Variants in PABPC4L observed in about 807,000 individuals in gnomAD.
PABPC4L encodes poly(A) binding protein cytoplasmic 4 like, also known as polyadenylate-binding protein 4-like.
For missense variants in PABPC4L, 452 were observed against 451.4 expected (o/e 1.00, Z -0.01); for synonymous variants, 169 against 164.1 (o/e 1.03, Z -0.23).
At chr4:134,019,334 G>T in the PABPC4L span, among the ~76,000 whole-genome samples, 1 of 152,082 alleles carries the variant, frequency 6.6e-6, no homozygotes, top group African/African-American at 2.4e-5. Flanking sequence ...AACTGAAATT[G>T]CTGAATTCCA....
At chr4:134,183,753 C>T in the PABPC4L span, among the ~76,000 whole-genome samples, 1,932 of 151,634 alleles carry the variant, frequency 0.013, 43 homozygotes, top group African/African-American at 0.041. Context: ...TAAAGATATG[C>T]AAGAATTCTA....
chr4:134,134,817 TC>T, the PABPC4L span, among the ~76,000 whole-genome samples: 27 of 151,998 alleles, frequency 1.8e-4, no homozygotes, highest in Admixed American at 4.6e-4. Context: ...AGTGGTTCTT[TC>T]TTGTGTCTTC....
chr4:134,035,468 T>C, the PABPC4L span, among the ~76,000 whole-genome samples: 1 of 152,024 alleles, frequency 6.6e-6, no homozygotes, highest in African/African-American at 2.4e-5. Context: ...TATTAAATTA[T>C]AAAAATTATT....
Position 134,200,936 on chromosome 4 carries a change from C to G in PABPC4L, c.84G>C (p.Arg28Ser). The change falls in exon 2 of 2, where the codon AGG becomes AGC. Residue 28 changes from arginine to serine, a missense_variant. Arg to Ser is a moderately radical substitution (Grantham distance 110). Transcript: ENST00000421491. The part of the protein sequence containing the change: ...HADVTEDLLF[R>S]KFSTVGPVLS... ...GCACAGGCCCCACAGTGCTGAACTT[C>G]CTGAACAGCAGGTCCTCGGTGACAT... The G allele has an allele frequency of 6.4e-7, 1 of 1,559,994 alleles. No homozygotes were observed. Among genetic ancestry groups the G allele is most frequent in the Non-Finnish European group, 8.7e-7 (1 of 1,151,688 alleles).
At chr4:134,098,920 G>A in the PABPC4L span, among the ~76,000 whole-genome samples, 3 of 151,580 alleles carry the variant, frequency 2.0e-5, no homozygotes, top group South Asian at 2.1e-4. Flanking sequence ...ACTGACTGTC[G>A]GAGTTCAGTA....
the PABPC4L span, among the ~76,000 whole-genome samples, chr4:134,002,581 C>G: frequency 6.6e-6 from 1 of 151,744 alleles, no homozygotes; most frequent in Non-Finnish European, 1.5e-5. Flanking sequence ...ATTAATAACT[C>G]AAAAGTTTAT....
chr4:134,007,201 C>T, the PABPC4L span, among the ~76,000 whole-genome samples: 1 of 151,688 alleles, frequency 6.6e-6, no homozygotes, highest in African/African-American at 2.4e-5. Flanking sequence ...CATCTATTCC[C>T]AACTTTACAT....
chr4:133,996,472 A>G, the PABPC4L span, among the ~76,000 whole-genome samples: 1 of 152,048 alleles, frequency 6.6e-6, no homozygotes, highest in East Asian at 1.9e-4. Flanking sequence ...ACTTTTATAT[A>G]CTGTTGCTGT....
chr4:134,164,970 A>G, the PABPC4L span, among the ~76,000 whole-genome samples: 3 of 152,174 alleles, frequency 2.0e-5, no homozygotes, highest in African/African-American at 7.2e-5. Flanking sequence ...ACTCAGAAAT[A>G]AAGCCAAATA....
the PABPC4L span, among the ~76,000 whole-genome samples, chr4:134,090,938 T>A: frequency 1.3e-5 from 2 of 151,700 alleles, no homozygotes; most frequent in East Asian, 1.9e-4. Flanking sequence ...GCTTCTAATA[T>A]CTGGTAAGTC....
At chr4:134,083,284 C>A in the PABPC4L span, among the ~76,000 whole-genome samples, 1 of 152,046 alleles carries the variant, frequency 6.6e-6, no homozygotes, top group East Asian at 1.9e-4. Flanking sequence ...TAAGCTGTAA[C>A]CTATATGTCT....
At chr4:134,072,496 G>A in the PABPC4L span, among the ~76,000 whole-genome samples, 24 of 152,110 alleles carry the variant, frequency 1.6e-4, no homozygotes, top group Non-Finnish European at 2.9e-4. Context: ...TAGAATTGTA[G>A]GTGTGTTTTC....
the PABPC4L span, among the ~76,000 whole-genome samples, chr4:133,964,601 A>T: frequency 2.6e-5 from 4 of 152,162 alleles, no homozygotes; most frequent in African/African-American, 9.6e-5. Context: ...CCAACCACAT[A>T]TCAAAAAGAT....
the PABPC4L span, among the ~76,000 whole-genome samples, chr4:134,096,549 T>C: frequency 2.0e-5 from 3 of 151,960 alleles, no homozygotes; most frequent in Non-Finnish European, 4.4e-5. Context: ...ATTCTGGGTA[T>C]TGCATATTTA....
chr4:134,002,628 C>T, the PABPC4L span, among the ~76,000 whole-genome samples: 8 of 151,764 alleles, frequency 5.3e-5, no homozygotes, highest in East Asian at 1.6e-3. Context: ...TAGTTATGTG[C>T]CCTTAAACTT....
the PABPC4L span, among the ~76,000 whole-genome samples, chr4:134,136,641 A>C: frequency 1.3e-5 from 2 of 151,910 alleles, no homozygotes; most frequent in African/African-American, 4.8e-5. Flanking sequence ...TCTATTGTTC[A>C]CTTTGGACAT....
the PABPC4L span, among the ~76,000 whole-genome samples, chr4:134,046,001 A>G: frequency 6.6e-6 from 1 of 152,018 alleles, no homozygotes; most frequent in Non-Finnish European, 1.5e-5. Flanking sequence ...GGGGGCCAGC[A>G]CCTCCACACC....
the PABPC4L span, among the ~76,000 whole-genome samples, chr4:134,097,195 T>C: frequency 6.6e-6 from 1 of 151,930 alleles, no homozygotes; most frequent in Non-Finnish European, 1.5e-5. Flanking sequence ...ATGTTCAGTT[T>C]GTGTGTGATG....
At chr4:133,960,024 C>T in the PABPC4L span, among the ~76,000 whole-genome samples, 1 of 151,962 alleles carries the variant, frequency 6.6e-6, no homozygotes, top group Non-Finnish European at 1.5e-5. Context: ...CAGATGTCAA[C>T]GATATTCTTT....
Sources: allele counts gnomAD v4.1 joint callset (sites outside exome capture counted in the v4.1 genomes callset), GRCh38; gene constraint gnomAD v4.1.1; transcripts MANE v1.5; gene names NCBI Gene and HGNC (gene_info 2026-07-23, HGNC 2026-07-21).